The following PAX1 variants were observed in gnomAD, a reference collection of about 807,000 sequenced individuals.
PAX1 encodes the protein paired box 1.
Under a neutral mutation model 35.6 loss-of-function variants are expected in PAX1, and 18 were observed. The ratio of observed to expected loss-of-function variants is 0.50; its 90% CI spans 0.35 to 0.75. The LOEUF (loss-of-function observed/expected upper bound fraction) is 0.75, where lower values mean the gene tolerates loss of function less well. Among genes scored for constraint, PAX1 ranks in the 30% least tolerant of loss-of-function variants. The pLI, the probability that PAX1 is intolerant of heterozygous loss-of-function variation, is 0.01. For missense variants in PAX1, 760 were observed against 661.5 expected (o/e 1.15, Z -1.63); for synonymous variants, 397 against 305.2 (o/e 1.30, Z -3.14).
intron 4 of PAX1, among the ~76,000 whole-genome samples, chr20:21,713,582 A>G (rs1327076975): frequency 6.6e-6 from 1 of 152,198 alleles, no homozygotes; most frequent in East Asian, 1.9e-4. Context: ...AAAATTGAAA[A>G]TAGGCCCCTG....
Position 21,706,179 on chromosome 20 carries a change from C to T in PAX1, c.286+181C>T, listed in dbSNP as rs1042869754. The T allele has an allele frequency of 1.3e-6, 1 of 772,422 alleles. No homozygotes were observed. The highest frequency in any genetic ancestry group is 2.2e-6 in the Non-Finnish European group (1 of 450,408). The allele number at this position is 772,422 out of a possible 1,614,324, so 47.8% of individuals were successfully genotyped here. On this transcript the variant is annotated intron_variant, in intron 1 of 4. Transcript: ENST00000613128. This position sits in a 1 kb window ranked among gnomAD's most constrained non-coding sequence, Gnocchi z 5.3. Reference sequence around the variant, plus strand: ...TGAGCAAGTCTGGGAAGGGAGTGTTCCAAGTAGACGCGCTAAAAGTCGCGA... The same window carrying T: ...TGAGCAAGTCTGGGAAGGGAGTGTTTCAAGTAGACGCGCTAAAAGTCGCGA...
At chr20:21,710,076 TG>T (rs1297450018) in intron 4 of PAX1, among the ~76,000 whole-genome samples, 7 of 18,876 alleles carry the variant, frequency 3.7e-4, no homozygotes, top group African/African-American at 8.9e-4. Context: ...TGGTTGTGGG[TG>T]GTGGTGGTGG....
rs999890778 is a variant in PAX1, at chr20:21,718,247, A to G, written c.*3685A>G. The G allele has an allele frequency of 1.3e-5, 2 of 152,232 alleles. No homozygotes were observed. The highest frequency in any genetic ancestry group is 6.5e-5 in the Admixed American group (1 of 15,294). 9.4% of individuals were successfully genotyped at this position (152,232 alleles called of 1,614,324 possible). A position where few individuals can be genotyped will look rare whatever the true frequency, so the allele number is the denominator to read the frequency against. ...TGTTTTTTGGCAAGAAGTAAGGAAA[A>G]CAAACCAAAGGAAAGGAGGATTGAG... On this transcript the variant is annotated 3_prime_UTR_variant, in exon 5 of 5. Transcript: ENST00000613128.
Position 21,714,723 on chromosome 20 carries a change from G to T in PAX1, c.*161G>T, listed in dbSNP as rs763160239. On this transcript the variant is annotated 3_prime_UTR_variant, in exon 5 of 5. Transcript: ENST00000613128. ...GGGTGCACGCCCAGCCAGCCCCCAGGCCCAGCCCTGCCTCTGGCCGGACCC... is the reference window on the plus strand; with the variant it reads ...GGGTGCACGCCCAGCCAGCCCCCAGTCCCAGCCCTGCCTCTGGCCGGACCC... 2 of 1,605,166 alleles carry T rather than the reference G, an allele frequency of 1.2e-6. No homozygotes were observed. Among genetic ancestry groups the T allele is most frequent in the South Asian group, 1.1e-5 (1 of 91,080 alleles).
chr20:21,707,081 G>T lies in PAX1; in HGVS notation c.916+14G>T, dbSNP rs1257060680. ...TGGAGCAAACAGGTCAGTTGTGGCG[G>T]CCTCCGTAGCCTTCTATTAAGGGGC... is the stretch of plus-strand genomic sequence containing the variant. On this transcript the variant is annotated intron_variant, in intron 2 of 4. Transcript: ENST00000613128. The T allele has an allele frequency of 6.2e-7, 1 of 1,612,960 alleles. No individual in the cohort carries two copies. Among genetic ancestry groups the T allele is most frequent in the Admixed American group, 1.7e-5 (1 of 60,028 alleles).
chr20:21,714,870 C>CT lies in PAX1; in HGVS notation c.*314dup, dbSNP rs964383860. The stretch of plus-strand genomic sequence containing the variant: ...CCTTCGCTCTGCCAGCTTCAAATTT[C>CT]TTTTTTGTCACTCCCTTGTCCGTCT... On this transcript the variant is annotated 3_prime_UTR_variant, in exon 5 of 5. Coordinates refer to ENST00000613128, the MANE Select transcript of PAX1 (RefSeq NM_001257096.2). 3.7e-6 allele frequency: 5 copies of CT among 1,337,860 alleles called. No homozygotes were observed. In the East Asian group the frequency reaches 9.3e-5, roughly 25 times the overall value. The allele number at this position is 1,337,860 out of a possible 1,614,324, so 82.9% of individuals were successfully genotyped here.
At position 21,706,719 on chromosome 20, in the gene PAX1, G is replaced by A; in HGVS notation, c.568G>A (p.Gly190Ser). 6.2e-7 allele frequency: 1 copy of A among 1,613,646 alleles called. No homozygotes were observed. The highest frequency in any genetic ancestry group is 8.5e-7 in the Non-Finnish European group (1 of 1,180,040). The change falls in exon 2 of 5, where the codon GGC (glycine) becomes AGC (serine). Residue 190 changes from glycine (G) to serine (S), a missense_variant. Coordinates refer to ENST00000613128, the MANE Select transcript of PAX1 (RefSeq NM_001257096.2). This position sits in a 1 kb window ranked among gnomAD's most constrained non-coding sequence, Gnocchi z 5.3. Reference protein sequence around the residue: ...HIRDYKQGDPGIFAWEIRDRL... With the variant: ...HIRDYKQGDPSIFAWEIRDRL... ...CCGGGACTACAAGCAAGGAGACCCT[G>A]GCATCTTTGCCTGGGAGATCCGCGA...
rs1600330278 is a variant in PAX1, at chr20:21,714,865, A to G, written c.*303A>G. The G allele has an allele frequency of 4.9e-6, 7 of 1,414,694 alleles. No individual in the cohort carries two copies. Among genetic ancestry groups the G allele is most frequent in the Admixed American group, 1.7e-5 (1 of 57,838 alleles). The allele number at this position is 1,414,694 out of a possible 1,614,324, so 87.6% of individuals were successfully genotyped here. ...GGCCTCCTTCGCTCTGCCAGCTTCAAATTTCTTTTTTGTCACTCCCTTGTC... is the reference window on the plus strand; with the variant it reads ...GGCCTCCTTCGCTCTGCCAGCTTCAGATTTCTTTTTTGTCACTCCCTTGTC... On this transcript the variant is annotated 3_prime_UTR_variant, in exon 5 of 5. Coordinates refer to ENST00000613128, the MANE Select transcript of PAX1 (RefSeq NM_001257096.2).
Position 21,714,649 on chromosome 20 carries a change from C to T in PAX1, c.*87C>T, listed in dbSNP as rs1985307246. The T allele has an allele frequency of 6.3e-7, 1 of 1,592,250 alleles. No individual in the cohort carries two copies. The highest frequency in any genetic ancestry group is 8.5e-7 in the Non-Finnish European group (1 of 1,172,230). ...TGCGCGGCGGCCCCGGCAATCGGCA[C>T]GGGCAGGATCGGAGGACTCGCGGAG... On this transcript the variant is annotated 3_prime_UTR_variant, in exon 5 of 5. Coordinates refer to ENST00000613128, the MANE Select transcript of PAX1 (RefSeq NM_001257096.2).
At position 21,716,874 on chromosome 20, in the gene PAX1, G is replaced by A. The variant is rs182953561; in HGVS notation, c.*2312G>A. ...TTTCATGCACCCATTTGTGCTGCCTGGAGAAGGACTGGCTTGCTCAGGCCA... is the reference window on the plus strand; with the variant it reads ...TTTCATGCACCCATTTGTGCTGCCTAGAGAAGGACTGGCTTGCTCAGGCCA... On this transcript the variant is annotated 3_prime_UTR_variant, in exon 5 of 5. Coordinates refer to ENST00000613128, the MANE Select transcript of PAX1 (RefSeq NM_001257096.2). The A allele has an allele frequency of 2.2e-4, 33 of 152,332 alleles. No homozygotes were observed. The highest frequency in any genetic ancestry group is 3.4e-3 in the Middle Eastern group (1 of 294). 9.4% of individuals were successfully genotyped at this position (152,332 alleles called of 1,614,324 possible). A position where few individuals can be genotyped will look rare whatever the true frequency, so the allele number is the denominator to read the frequency against.
intron 2 of PAX1, chr20:21,708,333 G>C: frequency 1.5e-6 from 1 of 654,038 alleles, no homozygotes; most frequent in Non-Finnish European, 2.8e-6. Context: ...GTGGGAAACC[G>C]GTTGAAGGCT....
Sources: gnomAD v4.1 joint callset for allele counts (sites outside exome capture counted in the v4.1 genomes callset) on GRCh38, gnomAD v4.1.1 for gene constraint, Gnocchi (gnomAD v3.1) non-coding constraint, MANE v1.5 for transcripts, NCBI Gene and HGNC (gene_info 2026-07-23, HGNC 2026-07-21) for gene names.